Variants in CCDC33 observed in about 807,000 individuals in gnomAD.
The protein encoded by CCDC33 is coiled-coil domain-containing protein 33.
A neutral mutation model predicts 91.9 loss-of-function variants in CCDC33; 94 were observed. The ratio of observed to expected loss-of-function variants is 1.02; its 90% CI spans 0.87 to 1.21. The LOEUF is 1.21. CCDC33 is among the 50% of genes most tolerant of loss of function. The pLI is 0.00. For missense variants in CCDC33, 940 were observed against 935.5 expected, an observed-to-expected ratio of 1.00 and a Z score of -0.06; for synonymous variants, 396 against 374.5, an observed-to-expected ratio of 1.06 and a Z score of -0.66.
intron 5 of CCDC33, among the ~76,000 whole-genome samples, chr15:74,270,011 G>A (rs576389006): frequency 2.6e-5 from 4 of 152,292 alleles, no homozygotes; most frequent in Admixed American, 2.0e-4. Context: ...CCAGCCTCCA[G>A]TGAAATCCCT....
intron 16 of CCDC33, chr15:74,333,256 G>C: frequency 6.2e-7 from 1 of 1,603,362 alleles, no homozygotes; most frequent in Admixed American, 1.7e-5. Context: ...GAGGAGACTT[G>C]ACAGAGAGGC....
intron 11 of CCDC33, among the ~76,000 whole-genome samples, chr15:74,320,961 G>T (rs933705968): frequency 6.6e-6 from 1 of 152,184 alleles, no homozygotes; most frequent in Non-Finnish European, 1.5e-5. Flanking sequence ...CAGTGGCAAA[G>T]AACTGAGAGG....
chr15:74,292,813 G>T (rs534065355), intron 10 of CCDC33, among the ~76,000 whole-genome samples: 1 of 152,154 alleles, frequency 6.6e-6, no homozygotes, highest in Non-Finnish European at 1.5e-5. Flanking sequence ...GCAGGAATGG[G>T]CAGGATAGAC....
chr15:74,278,476 G>A (rs1050874025), intron 7 of CCDC33, among the ~76,000 whole-genome samples: 9 of 152,298 alleles, frequency 5.9e-5, no homozygotes, highest in Admixed American at 2.0e-4. Context: ...GCAACGACCC[G>A]CAGCCCCGCC....
chr15:74,246,409 C>T (rs28738813), intron 2 of CCDC33, among the ~76,000 whole-genome samples: 2,112 of 152,236 alleles, frequency 0.014, 47 homozygotes, highest in African/African-American at 0.049. Flanking sequence ...AAAATATTTG[C>T]AAAACATGTA....
intron 11 of CCDC33, among the ~76,000 whole-genome samples, chr15:74,318,263 G>A (rs2060133427): frequency 1.3e-5 from 2 of 152,118 alleles, no homozygotes; most frequent in African/African-American, 4.8e-5. Flanking sequence ...GGAGTTGAGG[G>A]GGAGGCAGGA....
chr15:74,295,769 T>C lies in CCDC33; in HGVS notation c.1111T>C (p.Leu371=). Residue 371 remains leucine (L), a synonymous_variant, in exon 11 of 19, where the codon TTG becomes CTG. Coordinates refer to ENST00000398814, the MANE Select transcript of CCDC33 (RefSeq NM_025055.5). ...LLSSERPENF[L]TPNNSKALPT... is the part of the protein sequence containing the mutation. ...CTCTTCTCAGAGACCAGAAAACTTC[T>C]TGACACCAAACAACAGCAAGGCTCT... The C allele has an allele frequency of 3.1e-6, 5 of 1,612,768 alleles. No homozygotes were observed. The highest frequency in any genetic ancestry group is 4.2e-6 in the Non-Finnish European group (5 of 1,179,602).
exon 1 of CCDC33, chr15:74,217,426 C>T (rs1208419810): frequency 1.6e-6 from 2 of 1,289,616 alleles, no homozygotes; most frequent in Non-Finnish European, 2.0e-6. Flanking sequence ...GCAGAGAACC[C>T]CCTGCAGGTG....
chr15:74,208,743 G>A (rs1231624249), intron 1 of CCDC33: 20 of 987,564 alleles, frequency 2.0e-5, no homozygotes, highest in East Asian at 2.3e-4. Flanking sequence ...GTGCCTTCTC[G>A]CTGTTCCCCG....
intron 1 of CCDC33, among the ~76,000 whole-genome samples, chr15:74,239,309 A>C (rs74023454): frequency 0.02 from 3,008 of 151,630 alleles, 106 homozygotes; most frequent in African/African-American, 0.07. Context: ...GCACCCCCCA[A>C]CCCACCCGCG....
chr15:74,330,248 G>A lies in CCDC33; in HGVS notation c.1350G>A (p.Arg450=), dbSNP rs948226265. 3 of 1,613,208 alleles carry A rather than the reference G, an allele frequency of 1.9e-6. No homozygotes were observed. Among genetic ancestry groups the A allele is most frequent in the Non-Finnish European group, 1.7e-6 (2 of 1,179,864 alleles). ...QKMAEDILSL[R]RQASILEGEN... ...TGGCAGAGGACATCCTGTCTCTGCG[G>A]AGACAGGCCAGCATCCTGGAAGGAG... Residue 450 remains arginine, a synonymous_variant, in exon 12 of 19, where the codon CGG becomes CGA. Coordinates refer to ENST00000398814, the MANE Select transcript of CCDC33 (RefSeq NM_025055.5).
At chr15:74,214,881 C>A (rs1411643704), upstream of CCDC33, among the ~76,000 whole-genome samples, 1 of 152,214 alleles carries the variant, frequency 6.6e-6, no homozygotes, top group East Asian at 1.9e-4. Flanking sequence ...GGTTGAATTT[C>A]TTCATCACTT....
chr15:74,293,794 T>C (rs930338124), intron 10 of CCDC33, among the ~76,000 whole-genome samples: 8 of 152,250 alleles, frequency 5.3e-5, no homozygotes, highest in African/African-American at 1.9e-4. Context: ...AGTCTTATTA[T>C]AGCTGCTTTC....
intron 7 of CCDC33, among the ~76,000 whole-genome samples, chr15:74,274,741 A>G (rs2076407694): frequency 6.6e-6 from 1 of 152,206 alleles, no homozygotes; most frequent in South Asian, 2.1e-4. Context: ...TCCCACCCCC[A>G]GGCTTTCTCT....
chr15:74,277,057 T>G (rs2142469660), intron 7 of CCDC33, among the ~76,000 whole-genome samples: 1 of 152,322 alleles, frequency 6.6e-6, no homozygotes, highest in South Asian at 2.1e-4. Context: ...GCATCTGGAA[T>G]GGAGAAGCCC....
intron 9 of CCDC33, among the ~76,000 whole-genome samples, chr15:74,281,041 G>T (rs561550996): frequency 6.6e-6 from 1 of 152,336 alleles, no homozygotes; most frequent in South Asian, 2.1e-4. Context: ...GAGCAACTTG[G>T]GAGACAAGTA....
downstream of CCDC33, chr15:74,336,364 G>A (rs545733144): frequency 7.1e-5 from 95 of 1,340,314 alleles, no homozygotes; most frequent in Admixed American, 2.4e-4. Context: ...TTCCAGACCC[G>A]GAGAAGAAGC....
intron 11 of CCDC33, chr15:74,304,673 G>T (rs574188319): frequency 1.3e-5 from 2 of 152,130 alleles, no homozygotes; most frequent in African/African-American, 4.8e-5. Flanking sequence ...TGGGTGCCTC[G>T]CCTCCCACCC....
intron 11 of CCDC33, among the ~76,000 whole-genome samples, chr15:74,329,628 A>G (rs1400143709): frequency 6.6e-6 from 1 of 152,110 alleles, no homozygotes; most frequent in Non-Finnish European, 1.5e-5. Flanking sequence ...CTGTAGCTGG[A>G]TCCCAGCCTC....
Sources: gnomAD v4.1 joint callset for allele counts (sites outside exome capture counted in the v4.1 genomes callset) on GRCh38, gnomAD v4.1.1 for gene constraint, MANE v1.5 for transcripts, NCBI Gene and HGNC (gene_info 2026-07-23, HGNC 2026-07-21) for gene names.